Variants in WDR74 observed in about 807,000 individuals in gnomAD.
The protein encoded by WDR74 is WD repeat-containing protein 74.
A neutral mutation model predicts 45.6 loss-of-function variants in WDR74; 31 were observed. The observed-to-expected ratio is 0.68, with a 90% CI of 0.51 to 0.92. The LOEUF is 0.92. Among genes scored for constraint, WDR74 ranks in the 40% least tolerant of loss-of-function variants. WDR74 has a pLI of 0.00. For synonymous variants in WDR74, 191 were observed against 192.4 expected (o/e 0.99, Z 0.06); for missense variants, 455 against 497.2 (o/e 0.92, Z 0.81).
At position 62,833,151 on chromosome 11, in the gene WDR74, C is replaced by T; in HGVS notation, c.979-20G>A. ...CTCATCCTGGTGAGTGGGAAGAAAG[C>T]TTAGGAGTCAGGGGGGCCGGGCACG... On this transcript the variant is annotated intron_variant, in intron 10 of 10. Coordinates refer to ENST00000278856, the MANE Select transcript of WDR74 (RefSeq NM_001369450.1). 1 of 1,610,860 alleles carries T rather than the reference C, an allele frequency of 6.2e-7. No homozygotes were observed.
chr11:62,833,098 C>T lies in WDR74; in HGVS notation c.1012G>A (p.Val338Met), dbSNP rs1252588779. 2 of 1,612,838 alleles carry T rather than the reference C, an allele frequency of 1.2e-6. No homozygotes were observed. Among genetic ancestry groups the T allele is most frequent in the South Asian group, 1.1e-5 (1 of 90,908 alleles). ...TCTGTCTCTGTGTCTTCTAGGGGCA[C>T]CTTGTTGGGTTCTTGAGGCTCTTGG... is the stretch of plus-strand genomic sequence containing the variant. Reference protein sequence around the residue: ...EPQEPQEPNKVPLEDTETDEL... With the variant: ...EPQEPQEPNKMPLEDTETDEL... The change falls in exon 11 of 11, where the codon GTG (valine) becomes ATG (methionine). Residue 338 changes from valine to methionine, a missense_variant. Transcript: ENST00000278856.
chr11:62,836,192 T>C (rs967442853), intron 3 of WDR74, 156 bp from the exon 4 acceptor site: 1 of 737,714 alleles, frequency 1.4e-6, no homozygotes, highest in East Asian at 2.8e-5. Context: ...CCAGATTCCC[T>C]ACTAACAGTC....
intron 3 of WDR74, 108 bp downstream of exon 3, chr11:62,839,005 AT>A: frequency 6.6e-7 from 1 of 1,508,676 alleles, no homozygotes; most frequent in Non-Finnish European, 8.9e-7. Context: ...CCTGTCACCC[AT>A]TCAAAGCCGT....
chr11:62,841,175 G>T (rs1354294049), upstream of WDR74, among the ~76,000 whole-genome samples: 3 of 152,164 alleles, frequency 2.0e-5, no homozygotes, highest in Non-Finnish European at 2.9e-5. Context: ...AAATTCGCTG[G>T]GCGTGGTGGC....
At chr11:62,838,818 C>G (rs1358504223) in intron 3 of WDR74, among the ~76,000 whole-genome samples, 2 of 151,732 alleles carry the variant, frequency 1.3e-5, no homozygotes, top group Non-Finnish European at 2.9e-5. Context: ...AAATGACTTG[C>G]CCATGGTTAC....
At chr11:62,841,330 A>G (rs1230632972), upstream of WDR74, among the ~76,000 whole-genome samples, 2 of 152,082 alleles carry the variant, frequency 1.3e-5, no homozygotes, top group African/African-American at 2.4e-5. Context: ...AAAAATAAAT[A>G]AGAAATAAAA....
rs145675227 is a variant in WDR74 at position 62,838,038 on chromosome 11, G to A, written c.293+1076C>T. ...GGATCGTTTGACCCCGGGAGGTTGAGGCTGTAGTGAGCCATGAATGCACCA... is the reference window on the plus strand; with the variant it reads ...GGATCGTTTGACCCCGGGAGGTTGAAGCTGTAGTGAGCCATGAATGCACCA... On this transcript the variant is annotated intron_variant, in intron 3 of 10. Coordinates refer to ENST00000278856, the MANE Select transcript of WDR74 (RefSeq NM_001369450.1). Among the ~76,000 whole-genome samples the A allele has an allele frequency of 2.8e-4, 43 of 152,286 alleles. No individual in the cohort carries two copies. In the East Asian group the frequency reaches 8.1e-3, roughly 29 times the overall value.
Position 62,835,437 on chromosome 11 carries a change from G to T in WDR74, c.612C>A (p.Tyr204Ter). 6.2e-7 allele frequency: 1 copy of T among 1,613,908 alleles called. No individual in the cohort carries two copies. Among genetic ancestry groups the T allele is most frequent in the Non-Finnish European group, 8.5e-7 (1 of 1,179,826 alleles). ...GSQKLVTCTG[Y>*]HQVRVYDPAS... ...GTGTGAGGTGACACCTTACCTGGTGGTACCCTGTGCAGGTGACAAGCTTCT... is the reference window on the plus strand; with the variant it reads ...GTGTGAGGTGACACCTTACCTGGTGTTACCCTGTGCAGGTGACAAGCTTCT... The change falls in exon 6 of 11, where the codon TAC (tyrosine) becomes TAA (stop). Residue 204 changes from tyrosine (Y) to a stop codon, truncating the protein, a stop_gained. Transcript: ENST00000278856. LOFTEE classifies it high-confidence loss of function.
In WDR74 at chr11:62,835,779, A is replaced by G. The variant is rs780705607; in HGVS notation, c.432T>C (p.His144=). ...TCTCTTTCCCACCTGTGGCAACCAC[A>G]TGGGGGTGTGCTGGGTCTTGGCGCA... The part of the protein sequence containing the change: ...CRMRQDPAHP[H]VVATGGKENA... Residue 144 remains histidine (H), a synonymous_variant, in exon 5 of 11, where the codon CAT becomes CAC. Transcript: ENST00000278856. 1 of 1,613,864 alleles carries G rather than the reference A, an allele frequency of 6.2e-7. No homozygotes were observed. Among genetic ancestry groups the G allele is most frequent in the Admixed American group, 1.7e-5 (1 of 59,990 alleles).
upstream of WDR74, chr11:62,839,780 G>A: frequency 3.1e-6 from 2 of 649,962 alleles, no homozygotes; most frequent in Non-Finnish European, 5.2e-6. Context: ...TGCACTTGGG[G>A]GTGAAAAGCA....
chr11:62,839,423 T>C lies in WDR74; in HGVS notation c.70A>G (p.Asn24Asp). Residue 24 changes from asparagine (N) to aspartate (D), a missense_variant, in exon 2 of 11, where the codon AAT becomes GAT. By Grantham distance (23) the Asn-to-Asp change is conservative. Coordinates refer to ENST00000278856, the MANE Select transcript of WDR74 (RefSeq NM_001369450.1). ...GTETGILKGV[N>D]LQRKQAANFT... ...TTCGCCGCCTGTTTTCGCTGAAGAT[T>C]TACCCCTGAGAGACGAAGGCGTCAG... 1 of 1,613,420 alleles carries C rather than the reference T, an allele frequency of 6.2e-7. No homozygotes were observed. The highest frequency in any genetic ancestry group is 8.5e-7 in the Non-Finnish European group (1 of 1,179,850).
chr11:62,835,659 C>T, intron 5 of WDR74, 36 bp downstream of exon 5: 1 of 1,613,940 alleles, frequency 6.2e-7, no homozygotes, highest in Non-Finnish European at 8.5e-7. Flanking sequence ...CCTCCCTCGA[C>T]TTCAGGAACA....
At chr11:62,835,082 TG>T in intron 6 of WDR74, 1 of 259,956 alleles carries the variant, frequency 3.8e-6, no homozygotes, top group Non-Finnish European at 7.4e-6. Context: ...GGCTCAGGCC[TG>T]GGTCCCAAAG....
chr11:62,838,503 A>C (rs765878424), intron 3 of WDR74, among the ~76,000 whole-genome samples: 11 of 151,954 alleles, frequency 7.2e-5, no homozygotes, highest in East Asian at 2.0e-4. Context: ...TCACGCCTGT[A>C]ATCCCAGCAC....
rs191488569 is a variant in WDR74 at position 62,838,277 on chromosome 11, C to T, written c.293+837G>A. 9.5e-4 allele frequency among the ~76,000 whole-genome samples: 145 copies of T among 152,084 alleles called. 1 individual carries two copies. Among genetic ancestry groups the T allele is most frequent in the African/African-American group, 3.4e-3 (141 of 41,532 alleles). On this transcript the variant is annotated intron_variant, in intron 3 of 10. Coordinates refer to ENST00000278856, the MANE Select transcript of WDR74 (RefSeq NM_001369450.1). ...AAGCGATTCTCCAGCCTCGGCCTCC[C>T]AAGTAGCTGGGATTACAGGCATGAG... is the stretch of plus-strand genomic sequence containing the variant.
Position 62,835,249 on chromosome 11 carries a change from C to G in WDR74, c.618+182G>C, listed in dbSNP as rs1261115896. The G allele has an allele frequency of 6.6e-6, 4 of 602,854 alleles. No individual in the cohort carries two copies. In the East Asian group the frequency reaches 1.1e-4, roughly 17 times the overall value. 37.3% of individuals were successfully genotyped at this position (602,854 alleles called of 1,614,324 possible). A position where few individuals can be genotyped will look rare whatever the true frequency, so the allele number is the denominator to read the frequency against. The stretch of plus-strand genomic sequence containing the variant: ...AGGAAAACAGGCATAGTTCAGGAAA[C>G]TCCACCCTAGAATACAGTAGAGGAA... On this transcript the variant is annotated intron_variant, in intron 6 of 10. Transcript: ENST00000278856.
chr11:62,836,223 A>AATGATAC, intron 3 of WDR74, 187 bp from the exon 4 acceptor site: 2 of 599,722 alleles, frequency 3.3e-6, no homozygotes, highest in South Asian at 2.0e-5. Flanking sequence ...GGAAGCCTCT[A>AATGATAC]GGTCACTGGG....
Position 62,833,908 on chromosome 11 carries a change from C to T in WDR74, c.805G>A (p.Ala269Thr), listed in dbSNP as rs777642960. ...CACTGCAACCCACGCACACTGCCTG[C>T]CAGCCCCTTCAGACAGCCCAGTAGA... is the stretch of plus-strand genomic sequence containing the variant. ...GRLLGCLKGL[A>T]GSVRGLQCHP... The change falls in exon 9 of 11, where the codon GCA (alanine) becomes ACA (threonine). Residue 269 changes from alanine (A) to threonine (T), a missense_variant. By Grantham distance (58) the Ala-to-Thr change is moderately conservative (BLOSUM62 0). Transcript: ENST00000278856. 1 of 1,613,966 alleles carries T rather than the reference C, an allele frequency of 6.2e-7. No individual in the cohort carries two copies. Among genetic ancestry groups the T allele is most frequent in the South Asian group, 1.1e-5 (1 of 91,072 alleles).
At chr11:62,839,910 G>A (rs1442496117), upstream of WDR74, 7 of 281,906 alleles carry the variant, frequency 2.5e-5, no homozygotes, top group Non-Finnish European at 4.7e-5. Context: ...AACGATTTAA[G>A]AAACACTTTA....
Sources: allele counts gnomAD v4.1 joint callset (sites outside exome capture counted in the v4.1 genomes callset), GRCh38; gene constraint gnomAD v4.1.1; transcripts MANE v1.5; gene names NCBI Gene and HGNC (gene_info 2026-07-23, HGNC 2026-07-21).